Variants in EVC2 observed in about 807,000 individuals in gnomAD.
EVC2 encodes the protein EvC ciliary complex subunit 2.
EVC2 carries 148 observed loss-of-function variants against 149.3 expected under a neutral mutation model. The observed-to-expected ratio is 0.99, with a 90% CI of 0.87 to 1.14. The LOEUF (loss-of-function observed/expected upper bound fraction) is 1.14. Among genes scored for constraint, EVC2 ranks in the 50% most tolerant of loss-of-function variants. The pLI, the probability that EVC2 is intolerant of heterozygous loss-of-function variation, is 0.00. For synonymous variants in EVC2, 776 were observed against 649.9 expected (o/e 1.19, Z -2.95); for missense variants, 1,854 against 1,627.3 (o/e 1.14, Z -2.40).
chr4:5,554,303 G>T (rs1721793962), intron 21 of EVC2, among the ~76,000 whole-genome samples: 1 of 152,178 alleles, frequency 6.6e-6, no homozygotes, highest in South Asian at 2.1e-4. Context: ...GAAGCTGCTG[G>T]AACCATAACC....
chr4:5,697,786 C>A, intron 1 of EVC2, 139 bp from the exon 2 acceptor site: 1 of 754,158 alleles, frequency 1.3e-6, no homozygotes. Context: ...TGCTCTGTCA[C>A]CCAGGCTGCA....
chr4:5,576,252 TGCTCCAGTAATGTCTG>T lies in EVC2; in HGVS notation c.3244_3259del (p.Gln1082AsnfsTer6). The T allele has an allele frequency of 6.2e-7, 1 of 1,614,182 alleles. No individual in the cohort carries two copies. The highest frequency in any genetic ancestry group is 8.5e-7 in the Non-Finnish European group (1 of 1,180,038). ...GCACACGGCATACCACTGCTGATGT[TGCTCCAGTAATGTCTG>T]GCTCTTGCTCAGGGCTTGGTGCAGG... On this transcript the variant is annotated frameshift_variant, in exon 18 of 22. Coordinates refer to ENST00000344408, the MANE Select transcript of EVC2 (RefSeq NM_147127.5). LOFTEE classifies it high-confidence loss of function. The surrounding 1 kb of genome is among the most constrained non-coding windows in gnomAD (Gnocchi z 4.5).
intron 16 of EVC2, among the ~76,000 whole-genome samples, chr4:5,610,105 G>A (rs1361083100): frequency 6.6e-6 from 1 of 152,128 alleles, no homozygotes; most frequent in African/African-American, 2.4e-5. Flanking sequence ...TGGCACTTCT[G>A]TTACAGGCTG....
chr4:5,671,700 C>CG (rs1344613853), intron 7 of EVC2, among the ~76,000 whole-genome samples: 1 of 152,054 alleles, frequency 6.6e-6, no homozygotes, highest in Non-Finnish European at 1.5e-5. Context: ...TTTGTAGAGA[C>CG]GGGGTTTCAC....
intron 21 of EVC2, among the ~76,000 whole-genome samples, chr4:5,557,311 A>C (rs559672738): frequency 1.1e-3 from 168 of 152,318 alleles, no homozygotes; most frequent in African/African-American, 3.8e-3. Context: ...CAACGGGCTA[A>C]AGAAAAAATC....
At chr4:5,543,500 G>C (rs527735013) in intron 21 of EVC2, among the ~76,000 whole-genome samples, 74 of 152,300 alleles carry the variant, frequency 4.9e-4, no homozygotes, top group African/African-American at 1.6e-3. Context: ...GAGGTTCTTA[G>C]TATACAGAGT....
At chr4:5,644,171 C>G (rs768036517) in intron 9 of EVC2, among the ~76,000 whole-genome samples, 1 of 152,250 alleles carries the variant, frequency 6.6e-6, no homozygotes, top group East Asian at 1.9e-4. Context: ...TGGGTGTCAC[C>G]GTACCTCTCT....
At chr4:5,639,150 T>C (rs946747810) in intron 10 of EVC2, among the ~76,000 whole-genome samples, 1 of 152,132 alleles carries the variant, frequency 6.6e-6, no homozygotes, top group Admixed American at 6.5e-5. Context: ...TCACGAGTTG[T>C]TAACAAGAGA....
At chr4:5,550,219 G>C (rs937873070) in intron 21 of EVC2, among the ~76,000 whole-genome samples, 2 of 152,212 alleles carry the variant, frequency 1.3e-5, no homozygotes, top group South Asian at 2.1e-4. Flanking sequence ...TGTTGGAACA[G>C]TTTGGAGGGC....
chr4:5,622,670 G>A lies in EVC2; in HGVS notation c.2368C>T (p.Gln790Ter), dbSNP rs1577170055. Residue 790 changes from glutamine to a stop codon, truncating the protein, a stop_gained, in exon 14 of 22, where the codon CAG becomes TAG. Transcript: ENST00000344408. LOFTEE classifies it high-confidence loss of function. This position sits in a 1 kb window ranked among gnomAD's most constrained non-coding sequence, Gnocchi z 5.8. ...CTGTCCCTCTCCTCCCCCTCCAGCTGCTCGGCCCGTGCAGCCATCTCCTTG... is the reference window on the plus strand; with the variant it reads ...CTGTCCCTCTCCTCCCCCTCCAGCTACTCGGCCCGTGCAGCCATCTCCTTG... The part of the protein sequence containing the change: ...HGKEMAARAE[Q>*]LEGEERDRDQ... 9.3e-6 allele frequency: 15 copies of A among 1,614,054 alleles called. No homozygotes were observed. Among genetic ancestry groups the A allele is most frequent in the Non-Finnish European group, 1.2e-5 (14 of 1,180,018 alleles).
chr4:5,706,445 G>GATAGATAGATAC, intron 1 of EVC2, among the ~76,000 whole-genome samples: 1 of 25,766 alleles, frequency 3.9e-5, no homozygotes, highest in African/African-American at 1.7e-4. Context: ...TAGATAGATA[G>GATAGATAGATAC]ATACATACAT....
At chr4:5,574,135 C>A (rs1722783533) in intron 19 of EVC2, among the ~76,000 whole-genome samples, 1 of 152,194 alleles carries the variant, frequency 6.6e-6, no homozygotes, top group Non-Finnish European at 1.5e-5. Flanking sequence ...ACACCAGAAG[C>A]ACAGGAAGCC....
intron 21 of EVC2, among the ~76,000 whole-genome samples, chr4:5,549,643 C>A (rs1212411768): frequency 6.6e-6 from 1 of 152,190 alleles, no homozygotes; most frequent in Non-Finnish European, 1.5e-5. Context: ...ACAGAAGTGA[C>A]AGAACCGAGA....
chr4:5,602,085 G>A (rs1714024674), intron 16 of EVC2, among the ~76,000 whole-genome samples: 1 of 151,886 alleles, frequency 6.6e-6, no homozygotes, highest in Non-Finnish European at 1.5e-5. Flanking sequence ...GACCAGCCTG[G>A]GCAATGTAGT....
intron 6 of EVC2, among the ~76,000 whole-genome samples, chr4:5,681,810 A>G (rs561882320): frequency 6.6e-6 from 1 of 152,326 alleles, no homozygotes; most frequent in East Asian, 1.9e-4. Flanking sequence ...ACAGAAAAAT[A>G]AAGTGTGTCA....
chr4:5,543,294 G>A lies in EVC2; in HGVS notation c.3420-82C>T, dbSNP rs1030803268. On this transcript the variant is annotated intron_variant and NMD_transcript_variant, in intron 21 of 22. Coordinates refer to the EVC2 transcript ENST00000475313. The stretch of plus-strand genomic sequence containing the variant: ...GTACCATCACCATCCACCCCAAGCC[G>A]GCAGGAGCACTCCATAAACACACTC... The A allele has an allele frequency of 6.1e-5, 54 of 879,760 alleles. 1 individual carries two copies. The highest frequency in any genetic ancestry group is 3.0e-4 in the South Asian group (21 of 69,522). The allele number at this position is 879,760 out of a possible 1,614,324, so 54.5% of individuals were successfully genotyped here.
chr4:5,706,257 T>G (rs527580403), intron 1 of EVC2, among the ~76,000 whole-genome samples: 1 of 150,894 alleles, frequency 6.6e-6, no homozygotes, highest in Non-Finnish European at 1.5e-5. Flanking sequence ...CCCAGCCCCC[T>G]GCACACAGCA....
intron 16 of EVC2, among the ~76,000 whole-genome samples, chr4:5,594,716 G>C (rs538217876): frequency 1.3e-5 from 2 of 152,206 alleles, no homozygotes; most frequent in African/African-American, 2.4e-5. Flanking sequence ...CAAAGCTGGA[G>C]GGAGAATGAC....
Position 5,618,368 on chromosome 4 carries a change from G to T in EVC2, c.2706+110C>A. On this transcript the variant is annotated intron_variant, in intron 15 of 21. Transcript: ENST00000344408. The surrounding 1 kb of genome is among the most constrained non-coding windows in gnomAD (Gnocchi z 4.4). ...ATGCAGCCAGAGAGGAGAGGATAGG[G>T]GAGCATGAGGTGAGATGGGCTCAGG... 8.4e-7 allele frequency: 1 copy of T among 1,197,016 alleles called. No individual in the cohort carries two copies. The highest frequency in any genetic ancestry group is 1.2e-6 in the Non-Finnish European group (1 of 816,598). The allele number at this position is 1,197,016 out of a possible 1,614,324, so 74.1% of individuals were successfully genotyped here.
Sources: allele counts gnomAD v4.1 joint callset (sites outside exome capture counted in the v4.1 genomes callset), GRCh38; gene constraint gnomAD v4.1.1; non-coding constraint Gnocchi (gnomAD v3.1); transcripts MANE v1.5; gene names NCBI Gene and HGNC (gene_info 2026-07-23, HGNC 2026-07-21).